The following L3MBTL3 variants were observed in gnomAD, a reference collection of about 807,000 sequenced individuals.
The protein encoded by L3MBTL3 is lethal(3)malignant brain tumor-like protein 3.
Under a neutral mutation model 102.3 loss-of-function variants are expected in L3MBTL3, and 27 were observed. The ratio of observed to expected loss-of-function variants is 0.26; its 90% CI spans 0.19 to 0.36. The LOEUF is 0.36. L3MBTL3 is among the 10% of genes least tolerant of loss of function. L3MBTL3 has a pLI of 1.00. For missense variants in L3MBTL3, 798 were observed against 955.3 expected, an observed-to-expected ratio of 0.84 and a Z score of 2.17; for synonymous variants, 340 against 320.9, an observed-to-expected ratio of 1.06 and a Z score of -0.64.
intron 2 of L3MBTL3, among the ~76,000 whole-genome samples, chr6:130,038,176 T>G (rs1428572110): frequency 6.6e-6 from 1 of 152,172 alleles, no homozygotes; most frequent in African/African-American, 2.4e-5. Context: ...CATCCACTCA[T>G]GGACACTTAG....
intron 18 of L3MBTL3, among the ~76,000 whole-genome samples, chr6:130,095,903 C>T (rs149281089): frequency 1.3e-5 from 2 of 152,306 alleles, no homozygotes; most frequent in East Asian, 1.9e-4. Flanking sequence ...TCTGTATTGT[C>T]ACAGTGGCAA....
intron 19 of L3MBTL3, among the ~76,000 whole-genome samples, chr6:130,116,981 T>A (rs1431837556): frequency 1.9e-3 from 277 of 149,028 alleles, no homozygotes; most frequent in African/African-American, 6.0e-3. Context: ...TTTTTTATTT[T>A]TTTATTATAC....
intron 19 of L3MBTL3, among the ~76,000 whole-genome samples, chr6:130,116,752 T>TA (rs1004191425): frequency 4.9e-4 from 71 of 146,226 alleles, no homozygotes; most frequent in Admixed American, 8.9e-4. Context: ...ATCTATCTCT[T>TA]AAAAAAAAAA....
chr6:130,062,469 C>G (rs1001407592), intron 10 of L3MBTL3, among the ~76,000 whole-genome samples: 1 of 151,810 alleles, frequency 6.6e-6, no homozygotes, highest in African/African-American at 2.4e-5. Context: ...CACTGCAGCC[C>G]CAACCTTCTG....
At chr6:130,019,937 C>T (rs1171635643) in intron 1 of L3MBTL3, among the ~76,000 whole-genome samples, 3 of 137,840 alleles carry the variant, frequency 2.2e-5, no homozygotes, top group Non-Finnish European at 4.8e-5. Flanking sequence ...CCGCGCCGCG[C>T]CGGCCCGGGT....
intron 13 of L3MBTL3, among the ~76,000 whole-genome samples, chr6:130,076,390 T>G (rs1023580354): frequency 6.6e-6 from 1 of 152,168 alleles, no homozygotes; most frequent in East Asian, 1.9e-4. Flanking sequence ...TGAAATCACT[T>G]AACCTCTTTG....
At chr6:130,127,708 C>T (rs17633311) in intron 20 of L3MBTL3, among the ~76,000 whole-genome samples, 3,583 of 152,200 alleles carry the variant, frequency 0.024, 69 homozygotes, top group Non-Finnish European at 0.036. Flanking sequence ...CTGATATTAA[C>T]GAGACCCAGC....
intron 2 of L3MBTL3, among the ~76,000 whole-genome samples, chr6:130,041,056 A>G (rs1468388664): frequency 6.6e-6 from 1 of 152,202 alleles, no homozygotes; most frequent in Non-Finnish European, 1.5e-5. Context: ...ATGTGTGAGT[A>G]TTTTTATGAA....
Position 130,049,834 on chromosome 6 carries a change from C to T in L3MBTL3, c.289+4C>T. 1 of 1,610,654 alleles carries T rather than the reference C, an allele frequency of 6.2e-7. No individual in the cohort carries two copies. Among genetic ancestry groups the T allele is most frequent in the Non-Finnish European group, 8.5e-7 (1 of 1,178,690 alleles). On this transcript the variant is annotated splice_donor_region_variant and intron_variant, in intron 5 of 22. Transcript: ENST00000361794. ...TCTCCACCTGGATGTCCCACAGGTA[C>T]CTCAAACTCCACATGTCTGAAATGC...
At chr6:130,111,367 A>C (rs921230978) in intron 19 of L3MBTL3, among the ~76,000 whole-genome samples, 1 of 152,190 alleles carries the variant, frequency 6.6e-6, no homozygotes, top group African/African-American at 2.4e-5. Context: ...GAGGCTGTAC[A>C]TGTTAATTCC....
chr6:130,112,380 C>T (rs1454206491), intron 19 of L3MBTL3, among the ~76,000 whole-genome samples: 1 of 152,270 alleles, frequency 6.6e-6, no homozygotes, highest in East Asian at 1.9e-4. Flanking sequence ...CATTTCTGTT[C>T]AGTTAAAACT....
intron 16 of L3MBTL3, among the ~76,000 whole-genome samples, chr6:130,089,007 G>A (rs1188993659): frequency 1.3e-5 from 2 of 152,080 alleles, no homozygotes; most frequent in African/African-American, 4.8e-5. Context: ...AAGTGCAACA[G>A]TGGATCTGAC....
intron 19 of L3MBTL3, among the ~76,000 whole-genome samples, chr6:130,110,860 A>C (rs13218660): frequency 8.5e-5 from 13 of 152,170 alleles, no homozygotes; most frequent in South Asian, 2.1e-4. Context: ...ATTTTGAGAT[A>C]TGTTCCATCA....
In L3MBTL3 at chr6:130,028,073, C is replaced by CT. The variant is rs67901301; in HGVS notation, c.-16+5783dup. On this transcript the variant is annotated intron_variant, in intron 2 of 22. Transcript: ENST00000361794. Reference sequence around the variant, plus strand: ...GTTTGTGATTTCACTTTCTGTGTACCTTTTTTTTTTTTTTTCTTGAAAGGC... The same window carrying CT: ...GTTTGTGATTTCACTTTCTGTGTACCTTTTTTTTTTTTTTTTCTTGAAAGGC... 2.1e-3 allele frequency among the ~76,000 whole-genome samples: 296 copies of CT among 141,154 alleles called. 1 individual carries two copies. Among genetic ancestry groups the CT allele is most frequent in the East Asian group, 0.011 (56 of 4,918 alleles). 92.6% of individuals were successfully genotyped at this position (141,154 alleles called of 152,430 possible). A position where few individuals can be genotyped will look rare whatever the true frequency, so the allele number is the denominator to read the frequency against.
intron 2 of L3MBTL3, among the ~76,000 whole-genome samples, chr6:130,030,798 A>T (rs1003632817): frequency 3.3e-5 from 5 of 152,106 alleles, no homozygotes; most frequent in Admixed American, 1.3e-4. Context: ...TGGAAGGTAA[A>T]ATCTGTTTCT....
chr6:130,071,043 T>G lies in L3MBTL3; in HGVS notation c.1160T>G (p.Phe387Cys), dbSNP rs778799094. Residue 387 changes from phenylalanine (F) to cysteine (C), a missense_variant, in exon 13 of 23, where the codon TTC (phenylalanine) becomes TGC (cysteine). Phe to Cys is a radical substitution (Grantham distance 205, BLOSUM62 -2). This residue lies in a region of L3MBTL3 where 434 missense variants were observed against 506.6 expected (regional missense o/e 0.86). Transcript: ENST00000361794. The stretch of plus-strand genomic sequence containing the variant: ...GCAGTAGACAAAAAGAATCCCTCAT[T>G]CATCTGTGTTGCTACGGTAACAGAT... ...LEAVDKKNPS[F>C]ICVATVTDMV... 2.3e-5 allele frequency: 37 copies of G among 1,613,018 alleles called. No individual in the cohort carries two copies. Among genetic ancestry groups the G allele is most frequent in the Non-Finnish European group, 2.5e-5 (30 of 1,179,278 alleles).
chr6:130,105,005 T>G (rs1430864380), intron 19 of L3MBTL3, among the ~76,000 whole-genome samples: 2 of 152,174 alleles, frequency 1.3e-5, no homozygotes, highest in African/African-American at 4.8e-5. Flanking sequence ...ATACATTATT[T>G]CATTTAATTA....
chr6:130,138,342 G>C (rs1158660613), intron 22 of L3MBTL3: 2 of 152,338 alleles, frequency 1.3e-5, no homozygotes, highest in African/African-American at 4.8e-5. Flanking sequence ...AAGTCAGGGG[G>C]TTGGCAGGGT....
chr6:130,036,439 C>CT (rs758529433), intron 2 of L3MBTL3, among the ~76,000 whole-genome samples: 25 of 152,126 alleles, frequency 1.6e-4, no homozygotes, highest in Non-Finnish European at 3.4e-4. Context: ...TGGGTGAAAA[C>CT]TATTTTTACA....
Sources: gnomAD v4.1 joint callset for allele counts (sites outside exome capture counted in the v4.1 genomes callset) on GRCh38, gnomAD v4.1.1 for gene constraint, gnomAD v4.1.1 regional missense constraint, MANE v1.5 for transcripts, NCBI Gene and HGNC (gene_info 2026-07-23, HGNC 2026-07-21) for gene names.